The following PAX2 variants were observed in gnomAD, a reference collection of about 807,000 sequenced individuals.
PAX2 encodes paired box protein Pax-2.
A neutral mutation model predicts 41.7 loss-of-function variants in PAX2; 9 were observed. That is an observed-to-expected ratio of 0.22 (90% CI 0.13 to 0.38). PAX2 has a LOEUF of 0.38. Ranked by LOEUF, PAX2 falls within the 10% of genes least tolerant of loss-of-function variation. The pLI is 1.00. For missense variants in PAX2, 418 were observed against 531.6 expected, an observed-to-expected ratio of 0.79 and a Z score of 2.10; for synonymous variants, 221 against 212.7, an observed-to-expected ratio of 1.04 and a Z score of -0.34.
rs1486726237 is a variant in PAX2, at chr10:100,745,697, G to A, written c.-564G>A. 6 of 992,760 alleles carry A rather than the reference G, an allele frequency of 6.0e-6. No individual in the cohort carries two copies. Among genetic ancestry groups the A allele is most frequent in the East Asian group, 6.4e-5 (1 of 15,680 alleles). 61.5% of individuals were successfully genotyped at this position (992,760 alleles called of 1,614,324 possible). ...CCTTCGGCCGCGGCGGCGTGCGCCTGCCTTTTCCGGGGGCGGGGGCCTGGC... is the reference window on the plus strand; with the variant it reads ...CCTTCGGCCGCGGCGGCGTGCGCCTACCTTTTCCGGGGGCGGGGGCCTGGC... On this transcript the variant is annotated 5_prime_UTR_variant, in exon 1 of 10. Coordinates refer to ENST00000355243, the MANE Select transcript of PAX2 (RefSeq NM_000278.5).
At chr10:100,762,183 G>A (rs1845863929) in intron 3 of PAX2, among the ~76,000 whole-genome samples, 1 of 149,738 alleles carries the variant, frequency 6.7e-6, no homozygotes, top group Non-Finnish European at 1.5e-5. Context: ...AGGCAACAGA[G>A]TGAGGCCCAT....
chr10:100,765,077 G>A (rs1285431277), intron 3 of PAX2, among the ~76,000 whole-genome samples: 1 of 152,178 alleles, frequency 6.6e-6, no homozygotes, highest in African/African-American at 2.4e-5. Context: ...AAGGAAGTAT[G>A]GGAGTTTGAC....
chr10:100,786,876 C>A, intron 5 of PAX2: 1 of 957,064 alleles, frequency 1.0e-6, no homozygotes, highest in Non-Finnish European at 1.5e-6. Context: ...TGGGATCCTG[C>A]CCCCAATCTT....
chr10:100,756,259 G>T (rs904013270), intron 3 of PAX2, among the ~76,000 whole-genome samples: 1 of 152,090 alleles, frequency 6.6e-6, no homozygotes, highest in Non-Finnish European at 1.5e-5. Flanking sequence ...TTCTTAGCAG[G>T]ACTGATGAAA....
chr10:100,766,975 C>T (rs548528053), intron 3 of PAX2, among the ~76,000 whole-genome samples: 38 of 152,332 alleles, frequency 2.5e-4, no homozygotes, highest in African/African-American at 8.9e-4. Context: ...CCAAACAATA[C>T]TCAAATTCCT....
At chr10:100,749,031 T>G in intron 1 of PAX2, 1 of 985,430 alleles carries the variant, frequency 1.0e-6, no homozygotes, top group Non-Finnish European at 1.2e-6. Flanking sequence ...CCCGGGCCCC[T>G]GCCTCATCCG....
chr10:100,822,632 A>G (rs921813670), intron 7 of PAX2, among the ~76,000 whole-genome samples: 3 of 152,222 alleles, frequency 2.0e-5, no homozygotes, highest in South Asian at 2.1e-4. Flanking sequence ...ATGGTAAACC[A>G]TGCAGCACAG....
intron 3 of PAX2, among the ~76,000 whole-genome samples, chr10:100,766,997 T>C (rs1471076922): frequency 6.6e-6 from 1 of 152,204 alleles, no homozygotes; most frequent in Non-Finnish European, 1.5e-5. Context: ...CAACTCAGTG[T>C]TACACAAAGT....
chr10:100,776,979 C>G (rs77360937), intron 3 of PAX2, among the ~76,000 whole-genome samples: 3 of 152,140 alleles, frequency 2.0e-5, no homozygotes, highest in African/African-American at 7.2e-5. Flanking sequence ...GTTTAGAAAT[C>G]ACTCATGGCT....
In PAX2 at chr10:100,828,682, GC is replaced by G. The variant is rs1848672546; in HGVS notation, c.*1064del. The G allele has an allele frequency of 3.0e-5, 7 of 233,488 alleles. No individual in the cohort carries two copies. In the South Asian group the frequency reaches 1.3e-3, roughly 42 times the overall value. 14.5% of individuals were successfully genotyped at this position (233,488 alleles called of 1,614,324 possible). A position where few individuals can be genotyped will look rare whatever the true frequency, so the allele number is the denominator to read the frequency against. On this transcript the variant is annotated 3_prime_UTR_variant, in exon 10 of 10. Transcript: ENST00000355243. The surrounding 1 kb of genome is among the most constrained non-coding windows in gnomAD (Gnocchi z 6.5). The stretch of plus-strand genomic sequence containing the variant: ...GGTGGTAAGAACCGGTTCTGAGCTG[GC>G]GTCTGAGCTGCTGCGGGGTGGAAGT...
intron 3 of PAX2, among the ~76,000 whole-genome samples, chr10:100,774,044 G>T (rs1048392967): frequency 8.5e-5 from 13 of 152,202 alleles, no homozygotes; most frequent in African/African-American, 2.9e-4. Context: ...AGAAGGAGAA[G>T]AAGAGAGGGA....
chr10:100,819,587 AAAAT>A (rs1349945278), intron 7 of PAX2, among the ~76,000 whole-genome samples: 1 of 152,148 alleles, frequency 6.6e-6, no homozygotes, highest in Non-Finnish European at 1.5e-5. Flanking sequence ...AATAAAAATA[AAAAT>A]AAAAACATCA....
chr10:100,823,821 C>T (rs540006410), intron 7 of PAX2, among the ~76,000 whole-genome samples: 63 of 152,044 alleles, frequency 4.1e-4, no homozygotes, highest in Non-Finnish European at 8.1e-4. Context: ...CAGCTGTGTC[C>T]CAGAGGACAT....
At chr10:100,821,681 C>T (rs1848384202) in intron 7 of PAX2, among the ~76,000 whole-genome samples, 1 of 152,238 alleles carries the variant, frequency 6.6e-6, no homozygotes, top group African/African-American at 2.4e-5. Flanking sequence ...GCCTGTCTTC[C>T]TTCCTCCTGA....
chr10:100,752,541 G>GA (rs1445211379), intron 3 of PAX2, among the ~76,000 whole-genome samples: 1 of 152,220 alleles, frequency 6.6e-6, no homozygotes, highest in Admixed American at 6.5e-5. Context: ...GATCTCAAGA[G>GA]AAGAACAGCC....
At chr10:100,761,058 A>G (rs1433630292) in intron 3 of PAX2, among the ~76,000 whole-genome samples, 3 of 152,176 alleles carry the variant, frequency 2.0e-5, no homozygotes, top group Non-Finnish European at 4.4e-5. Context: ...GATGAGAGCG[A>G]GGGGAGGGTA....
At chr10:100,793,314 G>A (rs1037563033) in intron 5 of PAX2, among the ~76,000 whole-genome samples, 1 of 152,194 alleles carries the variant, frequency 6.6e-6, no homozygotes, top group Non-Finnish European at 1.5e-5. Flanking sequence ...GATCTCCTCG[G>A]GGAATTCCCC....
chr10:100,818,223 A>G (rs139564970), intron 7 of PAX2, among the ~76,000 whole-genome samples: 79 of 152,334 alleles, frequency 5.2e-4, no homozygotes, highest in African/African-American at 1.8e-3. Context: ...GAGGAAAAGC[A>G]TCTCTGAACT....
intron 5 of PAX2, among the ~76,000 whole-genome samples, chr10:100,803,004 C>A (rs549667604): frequency 6.6e-6 from 1 of 152,028 alleles, no homozygotes; most frequent in Non-Finnish European, 1.5e-5. Flanking sequence ...ATGCCGAGCT[C>A]GCTCCCCATC....
Sources: gnomAD v4.1 joint callset for allele counts (sites outside exome capture counted in the v4.1 genomes callset) on GRCh38, gnomAD v4.1.1 for gene constraint, Gnocchi (gnomAD v3.1) non-coding constraint, MANE v1.5 for transcripts, NCBI Gene and HGNC (gene_info 2026-07-23, HGNC 2026-07-21) for gene names.